Variants in FAM53A observed in about 807,000 individuals in gnomAD.
FAM53A encodes protein FAM53A.
Under a neutral mutation model 26.6 loss-of-function variants are expected in FAM53A, and 28 were observed. That is an observed-to-expected ratio of 1.05 (90% CI 0.78 to 1.45). FAM53A has a LOEUF of 1.45. Ranked by LOEUF, FAM53A falls within the 40% of genes most tolerant of loss-of-function variation. The pLI, the probability that FAM53A is intolerant of heterozygous loss-of-function variation, is 0.00. For synonymous variants in FAM53A, 290 were observed against 253.1 expected, an observed-to-expected ratio of 1.15 and a Z score of -1.38; for missense variants, 650 against 575.8, an observed-to-expected ratio of 1.13 and a Z score of -1.32.
chr4:1,646,867 C>A (rs529172883), intron 4 of FAM53A, among the ~76,000 whole-genome samples: 2 of 152,188 alleles, frequency 1.3e-5, no homozygotes, highest in Non-Finnish European at 2.9e-5. Context: ...GGCAGCTGAG[C>A]GCCTTCTCTA....
intron 4 of FAM53A, 74 bp from the exon 5 acceptor site, chr4:1,641,681 G>T: frequency 6.6e-7 from 1 of 1,508,770 alleles, no homozygotes; most frequent in Non-Finnish European, 9.1e-7. Flanking sequence ...CCAACCCATC[G>T]AGGGCTCGGT....
chr4:1,642,739 G>A (rs576108460), intron 4 of FAM53A, among the ~76,000 whole-genome samples: 92 of 143,860 alleles, frequency 6.4e-4, no homozygotes, highest in African/African-American at 2.2e-3. Context: ...CATGCCACTC[G>A]TCCACTGCCA....
chr4:1,616,416 C>T (rs1351105150), downstream of FAM53A, among the ~76,000 whole-genome samples: 1 of 152,166 alleles, frequency 6.6e-6, no homozygotes, highest in East Asian at 1.9e-4. Flanking sequence ...GGCTGGATGA[C>T]ACGGGAGCCG....
At chr4:1,683,525 C>G (rs1715600858) in intron 1 of FAM53A, 1 of 152,248 alleles carries the variant, frequency 6.6e-6, no homozygotes. Flanking sequence ...CCCTTGGCAC[C>G]AGCCACGAGC....
chr4:1,664,985 AAAAT>A (rs1393106576), intron 2 of FAM53A, among the ~76,000 whole-genome samples: 1 of 151,932 alleles, frequency 6.6e-6, no homozygotes, highest in Non-Finnish European at 1.5e-5. Context: ...TCTAAAAGAT[AAAAT>A]AAATAAATAA....
chr4:1,629,590 C>T (rs1406865931), intron 1 of FAM53A, among the ~76,000 whole-genome samples: 1 of 152,224 alleles, frequency 6.6e-6, no homozygotes, highest in South Asian at 2.1e-4. Flanking sequence ...GCTGCCCGCA[C>T]GGGTCCTCAG....
chr4:1,595,261 G>A, the FAM53A span, among the ~76,000 whole-genome samples: 2 of 152,224 alleles, frequency 1.3e-5, no homozygotes, highest in Non-Finnish European at 2.9e-5. Flanking sequence ...GTGCAAGAAG[G>A]CGGGCAGCAG....
At chr4:1,593,181 C>A in the FAM53A span, among the ~76,000 whole-genome samples, 1 of 152,210 alleles carries the variant, frequency 6.6e-6, no homozygotes, top group South Asian at 2.1e-4. Flanking sequence ...GGCATCTGAG[C>A]CTTCCCGACA....
At chr4:1,601,786 C>A in the FAM53A span, among the ~76,000 whole-genome samples, 4 of 106,616 alleles carry the variant, frequency 3.8e-5, no homozygotes, top group African/African-American at 1.2e-4. Context: ...TATGGCAGGG[C>A]CTGGCACGTG....
chr4:1,666,219 C>T (rs1428532596), intron 2 of FAM53A, among the ~76,000 whole-genome samples: 12 of 137,138 alleles, frequency 8.8e-5, no homozygotes, highest in Non-Finnish European at 1.7e-4. Context: ...CCTGCACCTG[C>T]ACCCCCTGTA....
At position 1,640,784 on chromosome 4, in the gene FAM53A, C is replaced by T. The variant is rs541857588; in HGVS notation, c.*509G>A. The T allele has an allele frequency of 3.6e-4, 138 of 385,876 alleles. No individual in the cohort carries two copies. The highest frequency in any genetic ancestry group is 2.2e-3 in the South Asian group (120 of 53,676). 23.9% of individuals were successfully genotyped at this position (385,876 alleles called of 1,614,324 possible). On this transcript the variant is annotated 3_prime_UTR_variant, in exon 5 of 5. Coordinates refer to ENST00000308132, the MANE Select transcript of FAM53A (RefSeq NM_001174070.3). The stretch of plus-strand genomic sequence containing the variant: ...CAGGTGCCGGTGGCAGCCATGGCCC[C>T]GACCAGCTCACAGGAAACCTACTCT...
chr4:1,624,382 G>A (rs1407560936), intron 1 of FAM53A, among the ~76,000 whole-genome samples: 1 of 152,178 alleles, frequency 6.6e-6, no homozygotes, highest in Non-Finnish European at 1.5e-5. Flanking sequence ...GGCTCTGAGG[G>A]GGACTGGTGC....
the FAM53A span, among the ~76,000 whole-genome samples, chr4:1,593,368 C>A: frequency 2.0e-5 from 3 of 152,062 alleles, no homozygotes; most frequent in Non-Finnish European, 2.9e-5. Flanking sequence ...AGGGCCCCTC[C>A]GAGTAGGGTG....
chr4:1,626,417 C>A (rs1276491451), intron 1 of FAM53A, among the ~76,000 whole-genome samples: 1 of 152,252 alleles, frequency 6.6e-6, no homozygotes, highest in Non-Finnish European at 1.5e-5. Flanking sequence ...ACAGGAAGAA[C>A]CCCGATCACC....
intron 3 of FAM53A, among the ~76,000 whole-genome samples, chr4:1,656,295 G>T (rs577660104): frequency 2.8e-4 from 42 of 152,308 alleles, no homozygotes; most frequent in African/African-American, 1.0e-3. Flanking sequence ...ACTGTCCTGG[G>T]GTTGCCTGTC....
At chr4:1,601,122 G>A in the FAM53A span, among the ~76,000 whole-genome samples, 1 of 152,118 alleles carries the variant, frequency 6.6e-6, no homozygotes, top group Non-Finnish European at 1.5e-5. Flanking sequence ...GGGGGTGGGG[G>A]TTGGGACAGT....
At chr4:1,661,868 C>T (rs1199987440) in intron 2 of FAM53A, among the ~76,000 whole-genome samples, 1 of 152,062 alleles carries the variant, frequency 6.6e-6, no homozygotes, top group Non-Finnish European at 1.5e-5. Context: ...ACAGAGTGCA[C>T]CTCCATGCCA....
At chr4:1,680,226 G>C (rs1354773164) in intron 1 of FAM53A, among the ~76,000 whole-genome samples, 4 of 145,164 alleles carry the variant, frequency 2.8e-5, no homozygotes, top group Non-Finnish European at 6.0e-5. Flanking sequence ...GGCTGAGGCA[G>C]GAGAATCATT....
chr4:1,587,276 G>A, the FAM53A span, among the ~76,000 whole-genome samples: 2 of 152,008 alleles, frequency 1.3e-5, no homozygotes, highest in Non-Finnish European at 2.9e-5. Flanking sequence ...CTCTTTTGTT[G>A]CCTGTGCTTT....
Sources: gnomAD v4.1 joint callset for allele counts (sites outside exome capture counted in the v4.1 genomes callset) on GRCh38, gnomAD v4.1.1 for gene constraint, MANE v1.5 for transcripts, NCBI Gene and HGNC (gene_info 2026-07-23, HGNC 2026-07-21) for gene names.